The following MUC6 variants were observed in gnomAD, a reference collection of about 807,000 sequenced individuals.
MUC6 encodes mucin 6, oligomeric mucus/gel-forming (gene/pseudogene), also known as mucin-6.
Under a neutral mutation model 201.5 loss-of-function variants are expected in MUC6, and 188 were observed. The ratio of observed to expected loss-of-function variants is 0.93; its 90% CI spans 0.83 to 1.05. The LOEUF (loss-of-function observed/expected upper bound fraction) is 1.05, where lower values mean the gene tolerates loss of function less well. MUC6 is among the 50% of genes least tolerant of loss of function. The probability of loss-of-function intolerance (pLI) is 0.00; values close to 1 mark genes in which losing one functional copy is unlikely to be tolerated. For missense variants in MUC6, 2,706 were observed against 3,256.9 expected (o/e 0.83, Z 4.12); for synonymous variants, 1,228 against 1,389.4 (o/e 0.88, Z 2.58).
At position 1,028,207 on chromosome 11, in the gene MUC6, T is replaced by G; in HGVS notation, c.1753+19A>C. 6.4e-7 allele frequency: 1 copy of G among 1,552,264 alleles called. No homozygotes were observed. Among genetic ancestry groups the G allele is most frequent in the Non-Finnish European group, 8.7e-7 (1 of 1,147,570 alleles). ...GGCGCTGGGGGGGCAGCCAGGGGAGTGGGGGGCCGGACACTCACTGTTGAG... is the reference window on the plus strand; with the variant it reads ...GGCGCTGGGGGGGCAGCCAGGGGAGGGGGGGGCCGGACACTCACTGTTGAG... On this transcript the variant is annotated intron_variant, in intron 14 of 32. Coordinates refer to ENST00000421673, the MANE Select transcript of MUC6 (RefSeq NM_005961.3).
chr11:1,034,809 T>TG (rs777678454), intron 1 of MUC6, among the ~76,000 whole-genome samples: 4 of 152,052 alleles, frequency 2.6e-5, no homozygotes, highest in Non-Finnish European at 5.9e-5. Flanking sequence ...CTGCCCCGGG[T>TG]GGGTGCCTCA....
rs796415310 is a variant in MUC6 at position 1,016,619 on chromosome 11, G to C, written c.6182C>G (p.Ala2061Gly). 5 of 1,522,550 alleles carry C rather than the reference G, an allele frequency of 3.3e-6. No homozygotes were observed. Among genetic ancestry groups the C allele is most frequent in the East Asian group, 2.4e-5 (1 of 42,244 alleles). 94.3% of individuals were successfully genotyped at this position (1,522,550 alleles called of 1,614,324 possible). Residue 2061 changes from alanine to glycine, a missense_variant, in exon 31 of 33, where the codon GCC becomes GGC. Coordinates refer to ENST00000421673, the MANE Select transcript of MUC6 (RefSeq NM_005961.3). ...TLKATGSTHT[A>G]PPMTVTTSGT... ...ACTGGTGGTCACTGTCATTGGTGGG[G>C]CTGTGTGGGTGGACCCTGTGGCCTT...
Position 1,031,198 on chromosome 11 carries a change from T to G in MUC6, c.545A>C (p.Lys182Thr). The G allele has an allele frequency of 6.7e-7, 1 of 1,481,926 alleles. No individual in the cohort carries two copies. Among genetic ancestry groups the G allele is most frequent in the Non-Finnish European group, 9.1e-7 (1 of 1,104,098 alleles). The allele number at this position is 1,481,926 out of a possible 1,614,324, so 91.8% of individuals were successfully genotyped here. ...MCGLCGNFDG[K>T]VTNEFVSEEG... ...CTCACTGACAAACTCGTTGGTCACC[T>G]TCCCGTCAAAGTTCCCGCAGAGCCC... Residue 182 changes from lysine (K) to threonine (T), a missense_variant, in exon 5 of 33, where the codon AAG becomes ACG. By Grantham distance (78) the Lys-to-Thr change is moderately conservative. This residue lies in a region of MUC6 where 1,850 missense variants were observed against 1,958.3 expected (regional missense o/e 0.94). Transcript: ENST00000421673.
chr11:1,027,601 A>G, intron 16 of MUC6, 84 bp from the exon 17 acceptor site: 2 of 1,588,000 alleles, frequency 1.3e-6, no homozygotes, highest in South Asian at 2.3e-5. Context: ...CGGGCACTGC[A>G]GAGCCTCAGA....
chr11:1,021,752 C>A (rs1856812969), intron 26 of MUC6, among the ~76,000 whole-genome samples: 1 of 152,036 alleles, frequency 6.6e-6, no homozygotes, highest in African/African-American at 2.4e-5. Flanking sequence ...GGCTTCGGTG[C>A]CATCTTCCAG....
At chr11:1,029,432 G>T (rs1481580697) in intron 9 of MUC6, 63 bp downstream of exon 9, 2 of 1,600,584 alleles carry the variant, frequency 1.2e-6, no homozygotes, top group Non-Finnish European at 1.7e-6. Flanking sequence ...GCACACCCCT[G>T]CCTGCCCTAG....
rs1856888310 is a variant in MUC6 at position 1,024,036 on chromosome 11, C to G, written c.3293G>C (p.Cys1098Ser). Residue 1098 changes from cysteine (C) to serine (S), a missense_variant, in exon 25 of 33, where the codon TGT (cysteine) becomes TCT (serine). Physicochemically the swap from Cys to Ser is moderately radical, Grantham distance 112 (BLOSUM62 -1). Around this residue, in one of 10 missense-constraint regions of MUC6, gnomAD observed 1,850 missense variants for 1,958.3 expected, o/e 0.94. Transcript: ENST00000421673. ...DACGCDSGGD[C>S]ECLCDAVAAY... ...AGCCACGGCATCGCACAGACACTCA[C>G]AGTCCCCGCCACTGTCACACCCACA... The G allele has an allele frequency of 1.2e-6, 2 of 1,610,946 alleles. No homozygotes were observed. The highest frequency in any genetic ancestry group is 1.7e-6 in the Non-Finnish European group (2 of 1,179,350).
chr11:1,030,926 A>C (rs1397139319), intron 6 of MUC6, 21 bp downstream of exon 6: 1 of 1,553,324 alleles, frequency 6.4e-7, no homozygotes, highest in Admixed American at 2.0e-5. Context: ...GGTCAGCCCC[A>C]CCTGGAGCCC....
At position 1,029,085 on chromosome 11, in the gene MUC6, G is replaced by A. The variant is rs755413475; in HGVS notation, c.1341C>T (p.Ser447=). 38 of 1,612,774 alleles carry A rather than the reference G, an allele frequency of 2.4e-5. No homozygotes were observed. The East Asian group carries it at 2.9e-4, about 12-fold the overall frequency. ...AVYDKSGVSH[S]ETSLVAVVYL... The stretch of plus-strand genomic sequence containing the variant: ...AGACCACAGCCACCAGGGAGGTCTC[G>A]GAGTGTGAGACGCCGGACTTGTCGT... The change falls in exon 11 of 33, where the codon TCC becomes TCT. Residue 447 remains serine, a synonymous_variant. Coordinates refer to ENST00000421673, the MANE Select transcript of MUC6 (RefSeq NM_005961.3).
rs1427197720 is a variant in MUC6, at chr11:1,023,502, C to T, written c.3526+7G>A. 1 of 1,570,202 alleles carries T rather than the reference C, an allele frequency of 6.4e-7. No homozygotes were observed. Among genetic ancestry groups the T allele is most frequent in the Admixed American group, 1.9e-5 (1 of 52,760 alleles). ...TGTATCTGCGTTGCCTCCCGGTCAC[C>T]TGGCACCTTCGATGTTGCTGCCTGG... On this transcript the variant is annotated splice_region_variant and intron_variant, in intron 26 of 32. Coordinates refer to ENST00000421673, the MANE Select transcript of MUC6 (RefSeq NM_005961.3).
chr11:1,019,525 C>T, intron 29 of MUC6, 29 bp from the exon 30 acceptor site: 2 of 1,588,424 alleles, frequency 1.3e-6, no homozygotes, highest in Non-Finnish European at 1.7e-6. Context: ...CGGAACATCC[C>T]CTTGCTGTGG....
At chr11:1,031,479 A>G (rs1439037269) in intron 4 of MUC6, 128 bp downstream of exon 4, 33 of 1,436,612 alleles carry the variant, frequency 2.3e-5, no homozygotes, top group Non-Finnish European at 3.1e-5. Flanking sequence ...ACTGCTTGGC[A>G]CGAAGGGCCT....
Position 1,024,003 on chromosome 11 carries a change from G to A in MUC6, c.3326C>T (p.Ala1109Val), listed in dbSNP as rs1856886960. The change falls in exon 25 of 33, where the codon GCC becomes GTC. Residue 1109 changes from alanine (A) to valine (V), a missense_variant. This residue lies in a region of MUC6 where 1,850 missense variants were observed against 1,958.3 expected (regional missense o/e 0.94). Coordinates refer to ENST00000421673, the MANE Select transcript of MUC6 (RefSeq NM_005961.3). ...ECLCDAVAAY[A>V]QACLDKGVCV... is the part of the protein sequence containing the mutation. ...CACACCCTTGTCCAGACAGGCTTGG[G>A]CGTAGGCAGCCACGGCATCGCACAG... 3.1e-6 allele frequency: 5 copies of A among 1,612,270 alleles called. No homozygotes were observed. Among genetic ancestry groups the A allele is most frequent in the Non-Finnish European group, 4.2e-6 (5 of 1,179,664 alleles).
chr11:1,027,595 C>T, intron 16 of MUC6, 78 bp from the exon 17 acceptor site: 1 of 1,592,272 alleles, frequency 6.3e-7, no homozygotes, highest in Non-Finnish European at 8.6e-7. Flanking sequence ...GCCTGCCGGG[C>T]ACTGCAGAGC....
At chr11:1,024,614 TG>T (rs1856906880) in intron 24 of MUC6, among the ~76,000 whole-genome samples, 1 of 152,146 alleles carries the variant, frequency 6.6e-6, no homozygotes, top group African/African-American at 2.4e-5. Context: ...GGGGTGCTAT[TG>T]GCATCTGGTG....
Position 1,018,269 on chromosome 11 carries a change from T to A in MUC6, c.4532A>T (p.Gln1511Leu), listed in dbSNP as rs1420663812. ...GTTTGTGCTGAATGAGCTGTGGGCT[T>A]GGCTGGTCCCACTGGTGGTCGGCGT... The part of the protein sequence containing the change: ...PITPTTSGTS[Q>L]AHSSFSTNKT... Residue 1511 changes from glutamine (Q) to leucine (L), a missense_variant, in exon 31 of 33, where the codon CAA (glutamine) becomes CTA (leucine). By Grantham distance (113) the Gln-to-Leu change is moderately radical. Transcript: ENST00000421673. The A allele has an allele frequency of 6.2e-7, 1 of 1,613,888 alleles. No homozygotes were observed. The highest frequency in any genetic ancestry group is 1.7e-5 in the Admixed American group (1 of 60,014).
rs983100269 is a variant in MUC6, at chr11:1,028,521, A to C, written c.1591+125T>G. On this transcript the variant is annotated intron_variant, in intron 13 of 32. Transcript: ENST00000421673. ...GCTGCGTGGGCCACACGTGCCTGTTACCCCTGGGGGCTCCCCGGACACAGA... is the reference window on the plus strand; with the variant it reads ...GCTGCGTGGGCCACACGTGCCTGTTCCCCCTGGGGGCTCCCCGGACACAGA... 27 of 1,531,210 alleles carry C rather than the reference A, an allele frequency of 1.8e-5. No homozygotes were observed. The Middle Eastern group carries it at 8.5e-4, about 48-fold the overall frequency. The allele number at this position is 1,531,210 out of a possible 1,614,324, so 94.9% of individuals were successfully genotyped here.
In MUC6 at chr11:1,029,378, CGTG is replaced by C; in HGVS notation, c.1137-15_1137-13del. 6.3e-7 allele frequency: 1 copy of C among 1,593,146 alleles called. No homozygotes were observed. The highest frequency in any genetic ancestry group is 8.5e-7 in the Non-Finnish European group (1 of 1,170,098). ...CCAGGGTGCACCGGCTGTGGGTGGG[CGTG>C]GGGGTAGCGGCATGGTGGGCAGGGC... On this transcript the variant is annotated splice_polypyrimidine_tract_variant and intron_variant, in intron 9 of 32. Coordinates refer to ENST00000421673, the MANE Select transcript of MUC6 (RefSeq NM_005961.3).
chr11:1,030,355 C>T lies in MUC6; in HGVS notation c.893-20G>A, dbSNP rs371911413. On this transcript the variant is annotated intron_variant, in intron 7 of 32. Transcript: ENST00000421673. Reference sequence around the variant, plus strand: ...CCACGGCTGTGGGCACACGCGGCTCCGGTGAGAGGGTCCCACCCCCCCCAC... The same window carrying T: ...CCACGGCTGTGGGCACACGCGGCTCTGGTGAGAGGGTCCCACCCCCCCCAC... The T allele has an allele frequency of 5.4e-4, 839 of 1,544,662 alleles. 4 individuals carry two copies. In the African/African-American group the frequency reaches 7.2e-3, roughly 13 times the overall value.
Sources: gnomAD v4.1 joint callset for allele counts (sites outside exome capture counted in the v4.1 genomes callset) on GRCh38, gnomAD v4.1.1 for gene constraint, gnomAD v4.1.1 regional missense constraint, MANE v1.5 for transcripts, NCBI Gene and HGNC (gene_info 2026-07-23, HGNC 2026-07-21) for gene names.